IMPG1: variants seen among roughly 807,000 people sequenced by gnomAD.
IMPG1 encodes the protein interphotoreceptor matrix proteoglycan of 150 kDa.
IMPG1 carries 85 observed loss-of-function variants against 92.0 expected under a neutral mutation model. That is an observed-to-expected ratio of 0.92 (90% CI 0.78 to 1.11). The LOEUF (loss-of-function observed/expected upper bound fraction) is 1.11. Among genes scored for constraint, IMPG1 ranks in the 50% least tolerant of loss-of-function variants. The pLI, the probability that IMPG1 is intolerant of heterozygous loss-of-function variation, is 0.00. For missense variants in IMPG1, 1,022 were observed against 956.0 expected (o/e 1.07, Z -0.91); for synonymous variants, 367 against 334.1 (o/e 1.10, Z -1.08).
At chr6:76,048,907 A>C (rs1783989837) in intron 1 of IMPG1, among the ~76,000 whole-genome samples, 1 of 152,244 alleles carries the variant, frequency 6.6e-6, no homozygotes, top group Non-Finnish European at 1.5e-5. Context: ...GCGTATGTTC[A>C]CTGTAGTATT....
chr6:75,927,705 T>C (rs1252578792), intron 15 of IMPG1, among the ~76,000 whole-genome samples: 2 of 151,908 alleles, frequency 1.3e-5, no homozygotes, highest in African/African-American at 2.4e-5. Context: ...CCTGAAGAAA[T>C]TAAGCATCTT....
At chr6:76,003,062 T>C (rs1783027777) in intron 11 of IMPG1, 66 bp from the exon 12 acceptor site, 3 of 1,125,798 alleles carry the variant, frequency 2.7e-6, no homozygotes, top group Admixed American at 1.8e-5. Context: ...AGAAGGGCTA[T>C]ACCCATATTT....
chr6:75,923,554 TAA>T, intron 16 of IMPG1, 78 bp downstream of exon 16: 1 of 719,730 alleles, frequency 1.4e-6, no homozygotes, highest in Non-Finnish European at 2.5e-6. Flanking sequence ...CTATTTAAAA[TAA>T]GAGGGACATA....
At chr6:76,050,598 C>G (rs984699767) in intron 1 of IMPG1, among the ~76,000 whole-genome samples, 1 of 152,192 alleles carries the variant, frequency 6.6e-6, no homozygotes, top group African/African-American at 2.4e-5. Flanking sequence ...CACATCATCT[C>G]CTTGTCATAT....
chr6:76,067,051 G>A (rs1784321497), intron 1 of IMPG1, among the ~76,000 whole-genome samples: 1 of 152,042 alleles, frequency 6.6e-6, no homozygotes, highest in South Asian at 2.1e-4. Context: ...AGTGCTAAGA[G>A]AGAAGTTTAT....
chr6:76,005,393 G>A lies in IMPG1; in HGVS notation c.1029C>T (p.Asp343=), dbSNP rs1783077464. 1 of 1,613,888 alleles carries A rather than the reference G, an allele frequency of 6.2e-7. No individual in the cohort carries two copies. Among genetic ancestry groups the A allele is most frequent in the Admixed American group, 1.7e-5 (1 of 59,954 alleles). The stretch of plus-strand genomic sequence containing the variant: ...CTGTGAGATAGATTTCTGGTTGCTT[G>A]TCCTCCTCCATGGTTCCATGATAGA... The part of the protein sequence containing the change: ...EEVYHGTMEE[D]KQPEIYLTAT... The change falls in exon 10 of 17, where the codon GAC becomes GAT. Residue 343 remains aspartate, a synonymous_variant. Transcript: ENST00000369950.
intron 8 of IMPG1, among the ~76,000 whole-genome samples, chr6:76,010,222 T>C (rs1393593699): frequency 6.6e-6 from 1 of 152,238 alleles, no homozygotes; most frequent in Non-Finnish European, 1.5e-5. Context: ...ATCTTCTTGC[T>C]TTCAGACAGT....
intron 12 of IMPG1, among the ~76,000 whole-genome samples, chr6:75,956,050 C>A (rs1237088896): frequency 6.6e-6 from 1 of 151,880 alleles, no homozygotes; most frequent in Non-Finnish European, 1.5e-5. Flanking sequence ...GGGATATTGG[C>A]CTGAAATTTT....
Position 76,018,699 on chromosome 6 carries a change from A to G in IMPG1, c.807+19T>C, listed in dbSNP as rs766989195. On this transcript the variant is annotated intron_variant, in intron 7 of 16. Transcript: ENST00000369950. ...CAGTCACAGCTTGAGGTGTGGTTGT[A>G]TGGGCCGGGTCTACTCACCTGAAGT... The G allele has an allele frequency of 3.2e-5, 52 of 1,608,766 alleles. No homozygotes were observed. The highest frequency in any genetic ancestry group is 4.2e-5 in the Non-Finnish European group (49 of 1,177,390).
intron 12 of IMPG1, among the ~76,000 whole-genome samples, chr6:76,001,477 C>T (rs1437469907): frequency 6.6e-6 from 1 of 152,156 alleles, no homozygotes; most frequent in African/African-American, 2.4e-5. Flanking sequence ...TCTGCAGCTG[C>T]CTAGCAATTG....
At chr6:75,933,203 A>G in intron 14 of IMPG1, among the ~76,000 whole-genome samples, 1 of 152,248 alleles carries the variant, frequency 6.6e-6, no homozygotes, top group East Asian at 1.9e-4. Flanking sequence ...AGGAGAAAAA[A>G]GTAGATGCCA....
chr6:75,955,634 A>G (rs1012287680), intron 12 of IMPG1, among the ~76,000 whole-genome samples: 2 of 152,098 alleles, frequency 1.3e-5, no homozygotes, highest in African/African-American at 4.8e-5. Flanking sequence ...TTCCAACACT[A>G]TGTTGAATAG....
intron 14 of IMPG1, among the ~76,000 whole-genome samples, chr6:75,934,492 C>T (rs536043082): frequency 6.6e-6 from 1 of 152,138 alleles, no homozygotes; most frequent in East Asian, 1.9e-4. Context: ...AAGTTTGTTT[C>T]CCAGCTCTCC....
At chr6:75,988,443 T>C (rs1782759321) in intron 12 of IMPG1, among the ~76,000 whole-genome samples, 1 of 152,266 alleles carries the variant, frequency 6.6e-6, no homozygotes, top group South Asian at 2.1e-4. Context: ...TCTGTTCATA[T>C]CGTTTGCCTA....
chr6:76,014,956 T>C (rs1783258375), intron 7 of IMPG1, among the ~76,000 whole-genome samples: 1 of 152,214 alleles, frequency 6.6e-6, no homozygotes, highest in African/African-American at 2.4e-5. Context: ...TTAATTCTGC[T>C]AAATAATCTT....
intron 15 of IMPG1, among the ~76,000 whole-genome samples, chr6:75,930,614 G>A (rs1019217322): frequency 3.3e-5 from 5 of 152,160 alleles, no homozygotes; most frequent in Admixed American, 1.3e-4. Context: ...AGTAGACCAA[G>A]TATTCAGTCT....
At chr6:75,962,161 C>T (rs1488845486) in intron 12 of IMPG1, among the ~76,000 whole-genome samples, 2 of 152,038 alleles carry the variant, frequency 1.3e-5, no homozygotes, top group Admixed American at 1.3e-4. Flanking sequence ...ACTTTGTCAC[C>T]CAGGCTGGAG....
intron 2 of IMPG1, among the ~76,000 whole-genome samples, chr6:76,035,013 T>C (rs1783714314): frequency 6.6e-6 from 1 of 151,908 alleles, no homozygotes; most frequent in African/African-American, 2.4e-5. Context: ...TGTGTGTGTG[T>C]GTGCGTGTGT....
chr6:75,974,319 CTCTTTCTTTCCCTTTCTTTCTTTCTT>C (rs1562354274), intron 12 of IMPG1, among the ~76,000 whole-genome samples: 1 of 141,062 alleles, frequency 7.1e-6, no homozygotes, highest in African/African-American at 2.6e-5. Context: ...CTTTCTTTCC[CTCTTTCTTTCCCTTTCTTTCTTTCTT>C]TCTTTCTTTC....
Sources: allele counts gnomAD v4.1 joint callset (sites outside exome capture counted in the v4.1 genomes callset), GRCh38; gene constraint gnomAD v4.1.1; transcripts MANE v1.5; gene names NCBI Gene and HGNC (gene_info 2026-07-23, HGNC 2026-07-21).